The following AFF2 variants were observed in gnomAD, a reference collection of about 807,000 sequenced individuals.
AFF2 encodes AF4/FMR2 family member 2.
A neutral mutation model predicts 76.9 loss-of-function variants in AFF2; 14 were observed. That is an observed-to-expected ratio of 0.18 (90% CI 0.12 to 0.28). The LOEUF (loss-of-function observed/expected upper bound fraction) is 0.28. Among genes scored for constraint, AFF2 ranks in the 10% least tolerant of loss-of-function variants. AFF2 has a pLI of 1.00. For synonymous variants in AFF2, 398 were observed against 366.7 expected (o/e 1.09, Z -0.98); for missense variants, 868 against 1,001.1 (o/e 0.87, Z 1.79).
chrX:148,790,074 T>G (rs2050436315), intron 3 of AFF2, among the ~76,000 whole-genome samples: 1 of 112,189 alleles, frequency 8.9e-6, no homozygotes, highest in African/African-American at 3.2e-5. Context: ...GCTGTAAGAA[T>G]AAGTCCATTG....
intron 19 of AFF2, 116 bp downstream of exon 19, chrX:148,980,906 T>C: frequency 2.1e-6 from 1 of 478,331 alleles, no homozygotes; most frequent in Non-Finnish European, 3.5e-6. Flanking sequence ...GTCATTTTTG[T>C]GCATACAAAA....
At chrX:148,503,033 A>C (rs1346031472) in intron 1 of AFF2, among the ~76,000 whole-genome samples, 2 of 112,460 alleles carry the variant, frequency 1.8e-5, no homozygotes, top group African/African-American at 3.2e-5. Context: ...TCAGTTAAGA[A>C]GCATAGACTT....
At chrX:148,635,176 C>T (rs1039904085) in intron 1 of AFF2, among the ~76,000 whole-genome samples, 6 of 111,156 alleles carry the variant, frequency 5.4e-5, no homozygotes, top group African/African-American at 1.3e-4. Flanking sequence ...CCTGGATTAT[C>T]GTGGTGGGCC....
intron 3 of AFF2, among the ~76,000 whole-genome samples, chrX:148,765,770 T>A (rs1164433625): frequency 2.7e-5 from 3 of 109,228 alleles, no homozygotes; most frequent in Non-Finnish European, 3.8e-5. Context: ...TAGTTACATA[T>A]GTATACATGT....
At position 148,991,323 on chromosome X, in the gene AFF2, CTTG is replaced by C. The variant is rs1557292245; in HGVS notation, c.3932_3934del (p.Leu1311del). Reference sequence around the variant, plus strand: ...TGTGTTGGCTGCGCATCGATGCCCACTTGTTGTAGTGGGTGTTCTCAGATCTCT... The same window carrying C: ...TGTGTTGGCTGCGCATCGATGCCCACTTGTAGTGGGTGTTCTCAGATCTCT... On this transcript the variant is annotated inframe_deletion, in exon 21 of 21. Coordinates refer to ENST00000370460, the MANE Select transcript of AFF2 (RefSeq NM_002025.4). 5.0e-6 allele frequency: 6 copies of C among 1,202,530 alleles called. No individual in the cohort carries two copies. The highest frequency in any genetic ancestry group is 3.5e-5 in the African/African-American group (2 of 56,953).
intron 1 of AFF2, among the ~76,000 whole-genome samples, chrX:148,581,028 T>TATATATACACAC (rs1557244408): frequency 2.2e-5 from 2 of 92,943 alleles, no homozygotes; most frequent in East Asian, 6.0e-4. Context: ...AACATATGTG[T>TATATATACACAC]ATATATACAC....
chrX:148,661,467 A>G (rs782406772), intron 2 of AFF2, among the ~76,000 whole-genome samples: 57 of 112,144 alleles, frequency 5.1e-4, no homozygotes, highest in Admixed American at 1.4e-3. Flanking sequence ...TTTTCATGGT[A>G]TAATGTGGTG....
At chrX:148,886,942 GA>G (rs2071166469) in intron 8 of AFF2, among the ~76,000 whole-genome samples, 1 of 112,283 alleles carries the variant, frequency 8.9e-6, no homozygotes, top group Non-Finnish European at 1.9e-5. Context: ...AAAAGCTTAG[GA>G]AAAATTATCA....
Position 148,837,669 on chromosome X carries a change from C to T in AFF2, c.1109C>T (p.Thr370Ile). The T allele has an allele frequency of 1.7e-6, 2 of 1,193,922 alleles. No individual in the cohort carries two copies. Among genetic ancestry groups the T allele is most frequent in the East Asian group, 3.0e-5 (1 of 33,742 alleles). ...TAGGAGATGACCCATTCCTGGCCTA[C>T]TCCTCTCACTTCCATGCATACTGCT... ...ILREMTHSWP[T>I]PLTSMHTAGH... The change falls in exon 5 of 21, where the codon ACT becomes ATT. Residue 370 changes from threonine (T) to isoleucine (I), a missense_variant. Physicochemically the swap from Thr to Ile is moderately conservative, Grantham distance 89 (BLOSUM62 -1). This residue lies in a region of AFF2 where 532 missense variants were observed against 564.2 expected (regional missense o/e 0.94). Transcript: ENST00000370460.
intron 3 of AFF2, among the ~76,000 whole-genome samples, chrX:148,663,812 A>G (rs920559694): frequency 4.5e-5 from 5 of 112,172 alleles, no homozygotes; most frequent in Non-Finnish European, 9.4e-5. Flanking sequence ...GTGTGACCCT[A>G]TAAGCACCCT....
intron 20 of AFF2, 121 bp from the exon 21 acceptor site, chrX:148,991,090 A>G (rs2072528491): frequency 3.7e-6 from 3 of 803,677 alleles, no homozygotes; most frequent in Non-Finnish European, 5.1e-6. Context: ...ATGAATGGAC[A>G]AATGAATCAC....
Position 148,787,548 on chromosome X carries a change from G to T in AFF2, c.1042-22328G>T, listed in dbSNP as rs1213029105. ...GTTAGGAAACAGAAAATAGGCACTTGTCCAGAAACGAGGAGAATTCAAAGT... is the reference window on the plus strand; with the variant it reads ...GTTAGGAAACAGAAAATAGGCACTTTTCCAGAAACGAGGAGAATTCAAAGT... On this transcript the variant is annotated intron_variant, in intron 3 of 20. Coordinates refer to ENST00000370460, the MANE Select transcript of AFF2 (RefSeq NM_002025.4). Among the ~76,000 whole-genome samples, 4 of 112,172 alleles carry T rather than the reference G, an allele frequency of 3.6e-5. No homozygotes were observed. In the Admixed American group the frequency reaches 3.8e-4, roughly 11 times the overall value.
chrX:148,953,582 C>T lies in AFF2; in HGVS notation c.1400C>T (p.Pro467Leu), dbSNP rs782757650. Residue 467 changes from proline to leucine, a missense_variant and splice_region_variant, in exon 10 of 21, where the codon CCA (proline) becomes CTA (leucine). By Grantham distance (98) the Pro-to-Leu change is moderately conservative. This residue lies in a region of AFF2 where 532 missense variants were observed against 564.2 expected (regional missense o/e 0.94). Coordinates refer to ENST00000370460, the MANE Select transcript of AFF2 (RefSeq NM_002025.4). ...GAATTATGTTGTTTTTCTTTCAGCCCACCCTTGGCCACTCCCCAGCCCCCA... is the reference window on the plus strand; with the variant it reads ...GAATTATGTTGTTTTTCTTTCAGCCTACCCTTGGCCACTCCCCAGCCCCCA... ...KAKPRNNPVN[P>L]PLATPQPPPA... 8.3e-7 allele frequency: 1 copy of T among 1,199,336 alleles called. No individual in the cohort carries two copies. Among genetic ancestry groups the T allele is most frequent in the Non-Finnish European group, 1.1e-6 (1 of 890,357 alleles).
intron 3 of AFF2, among the ~76,000 whole-genome samples, chrX:148,774,532 A>G (rs782699852): frequency 7.2e-5 from 8 of 110,749 alleles, no homozygotes; most frequent in Non-Finnish European, 1.3e-4. Context: ...CATATTCTAC[A>G]TTCCTCTCTT....
rs782559866 is a variant in AFF2 at position 148,618,606 on chromosome X, T to G, written c.48-33393T>G. Among the ~76,000 whole-genome samples, 56 of 111,117 alleles carry G rather than the reference T, an allele frequency of 5.0e-4. 1 individual carries two copies. The highest frequency in any genetic ancestry group is 1.6e-3 in the African/African-American group (48 of 30,570). On this transcript the variant is annotated intron_variant, in intron 1 of 20. Transcript: ENST00000370460. ...TATCATAGCCTTGAGATTGAATGGA[T>G]CTAATTTAAAAAAAATACCATTTCA...
intron 1 of AFF2, among the ~76,000 whole-genome samples, chrX:148,621,537 C>A (rs781860093): frequency 1.8e-5 from 2 of 111,408 alleles, no homozygotes; most frequent in African/African-American, 6.5e-5. Flanking sequence ...GTCTGTTTTT[C>A]ACTCATATTT....
chrX:148,531,953 G>T (rs1201991101), intron 1 of AFF2, among the ~76,000 whole-genome samples: 1 of 110,277 alleles, frequency 9.1e-6, no homozygotes, highest in Non-Finnish European at 1.9e-5. Context: ...TGTCTTATTT[G>T]TTCAAGTGTT....
At chrX:148,966,613 C>A (rs2072175866) in intron 13 of AFF2, among the ~76,000 whole-genome samples, 177 bp from the exon 14 acceptor site, 1 of 109,798 alleles carries the variant, frequency 9.1e-6, no homozygotes, top group Admixed American at 9.7e-5. Flanking sequence ...GCTGGTGATT[C>A]ATGGCGTTCA....
At chrX:148,511,252 T>TA (rs200828354) in intron 1 of AFF2, among the ~76,000 whole-genome samples, 13 of 105,567 alleles carry the variant, frequency 1.2e-4, no homozygotes, top group South Asian at 4.1e-4. Flanking sequence ...TGGGCAGCCT[T>TA]AAAAAAAAAA....
Sources: gnomAD v4.1 joint callset for allele counts (sites outside exome capture counted in the v4.1 genomes callset) on GRCh38, gnomAD v4.1.1 for gene constraint, gnomAD v4.1.1 regional missense constraint, MANE v1.5 for transcripts, NCBI Gene and HGNC (gene_info 2026-07-23, HGNC 2026-07-21) for gene names.